Variants in CYFIP1 observed in about 807,000 individuals in gnomAD.
CYFIP1 encodes the protein cytoplasmic FMR1 interacting protein 1.
Under a neutral mutation model 163.5 loss-of-function variants are expected in CYFIP1, and 58 were observed. The observed-to-expected ratio is 0.35, with a 90% CI of 0.29 to 0.44. The LOEUF is 0.44. Among genes scored for constraint, CYFIP1 ranks in the 20% least tolerant of loss-of-function variants. CYFIP1 has a pLI of 1.00. For synonymous variants in CYFIP1, 663 were observed against 660.7 expected (o/e 1.00, Z -0.05); for missense variants, 1,338 against 1,653.8 (o/e 0.81, Z 3.31).
chr15:22,971,085 C>A (rs913922512), intron 1 of CYFIP1, among the ~76,000 whole-genome samples: 5 of 151,866 alleles, frequency 3.3e-5, no homozygotes, highest in African/African-American at 7.3e-5. Flanking sequence ...CGAAAAAAAA[C>A]CAAACACACA....
chr15:22,923,220 T>C (rs1372926087), intron 13 of CYFIP1, among the ~76,000 whole-genome samples: 1 of 152,138 alleles, frequency 6.6e-6, no homozygotes, highest in African/African-American at 2.4e-5. Context: ...CCTATGGCTG[T>C]AAGGAACTGA....
At chr15:22,884,253 A>G (rs2059869919) in intron 23 of CYFIP1, among the ~76,000 whole-genome samples, 2 of 152,202 alleles carry the variant, frequency 1.3e-5, no homozygotes, top group Admixed American at 6.5e-5. Flanking sequence ...CCAAAGTCTC[A>G]TCTGAGACAA....
chr15:22,915,046 G>C lies in CYFIP1; in HGVS notation c.1829-164C>G, dbSNP rs2060923294. On this transcript the variant is annotated intron_variant, in intron 16 of 30. Transcript: ENST00000617928. ...AGGGGTCACCGGGGCCTTGCACTAG[G>C]GACAGGACCAGCTGGGCATAGCTGC... 8.4e-6 allele frequency: 5 copies of C among 593,706 alleles called. 1 individual carries two copies. The South Asian group carries it at 1.4e-4, about 17-fold the overall frequency. The allele number at this position is 593,706 out of a possible 1,614,324, so 36.8% of individuals were successfully genotyped here.
At position 22,944,549 on chromosome 15, in the gene CYFIP1, C is replaced by A; in HGVS notation, c.387+9G>T. On this transcript the variant is annotated intron_variant, in intron 5 of 30. Coordinates refer to ENST00000617928, the MANE Select transcript of CYFIP1 (RefSeq NM_014608.6). Reference sequence around the variant, plus strand: ...TGTTACACCCCCCCCAGATTATTTGCCATTTTACCTGGAAGTACATGAAAT... The same window carrying A: ...TGTTACACCCCCCCCAGATTATTTGACATTTTACCTGGAAGTACATGAAAT... The A allele has an allele frequency of 6.3e-7, 1 of 1,590,006 alleles. No homozygotes were observed. The highest frequency in any genetic ancestry group is 1.7e-4 in the Middle Eastern group (1 of 6,000).
At chr15:22,877,220 G>C (rs570101223) in intron 26 of CYFIP1, among the ~76,000 whole-genome samples, 1 of 152,178 alleles carries the variant, frequency 6.6e-6, no homozygotes, top group African/African-American at 2.4e-5. Flanking sequence ...GCGAGAGCAG[G>C]TTGTTGTAAG....
chr15:22,959,829 G>A (rs2062614859), intron 1 of CYFIP1, among the ~76,000 whole-genome samples: 2 of 152,302 alleles, frequency 1.3e-5, no homozygotes, highest in Admixed American at 1.3e-4. Flanking sequence ...CAGGGCCCAG[G>A]AGGGTGCAGG....
At chr15:22,912,496 GC>G (rs1488414214) in intron 17 of CYFIP1, 1 of 456,048 alleles carries the variant, frequency 2.2e-6, no homozygotes, top group Non-Finnish European at 3.8e-6. Flanking sequence ...GACAGCAGAC[GC>G]TCACTGAAGG....
intron 20 of CYFIP1, 120 bp downstream of exon 20, chr15:22,910,400 G>A (rs1005433514): frequency 5.2e-5 from 38 of 736,366 alleles, no homozygotes; most frequent in South Asian, 1.5e-4. Flanking sequence ...AACCTCAGGT[G>A]ATCCGCCCAC....
intron 26 of CYFIP1, among the ~76,000 whole-genome samples, chr15:22,878,736 T>G (rs967335158): frequency 1.3e-5 from 2 of 150,328 alleles, no homozygotes; most frequent in African/African-American, 4.9e-5. Flanking sequence ...TAAGAGCATT[T>G]TATCAAAAAT....
chr15:22,871,134 G>A (rs2059423035), intron 30 of CYFIP1, among the ~76,000 whole-genome samples: 1 of 152,000 alleles, frequency 6.6e-6, no homozygotes, highest in Admixed American at 6.6e-5. Flanking sequence ...CCATAGAGAT[G>A]GGCAGATACA....
intron 1 of CYFIP1, among the ~76,000 whole-genome samples, chr15:22,973,312 A>C (rs1056817711): frequency 2.2e-5 from 1 of 45,806 alleles, no homozygotes; most frequent in Non-Finnish European, 4.3e-5. Context: ...AGACCTTGTC[A>C]AAAAAAAAAA....
At chr15:22,930,869 T>A (rs1468070956) in intron 11 of CYFIP1, among the ~76,000 whole-genome samples, 1 of 152,124 alleles carries the variant, frequency 6.6e-6, no homozygotes, top group Non-Finnish European at 1.5e-5. Context: ...TTTTAAAAAA[T>A]TTAGCACAGC....
intron 3 of CYFIP1, among the ~76,000 whole-genome samples, chr15:22,945,301 C>T (rs1316644202): frequency 1.3e-5 from 2 of 152,198 alleles, no homozygotes; most frequent in Non-Finnish European, 2.9e-5. Context: ...CCGGTGTGAG[C>T]ACACACAGGA....
chr15:22,923,441 G>A (rs145793305), intron 13 of CYFIP1, among the ~76,000 whole-genome samples: 198 of 152,276 alleles, frequency 1.3e-3, no homozygotes, highest in Non-Finnish European at 2.1e-3. Context: ...CACTAGGATA[G>A]CTAGAATCAA....
At chr15:22,919,820 A>G (rs764933795) in intron 13 of CYFIP1, among the ~76,000 whole-genome samples, 3 of 152,084 alleles carry the variant, frequency 2.0e-5, no homozygotes, top group Non-Finnish European at 2.9e-5. Context: ...ACCAGAGTTC[A>G]AGATCAGCCC....
intron 11 of CYFIP1, among the ~76,000 whole-genome samples, chr15:22,931,746 T>A (rs1017941078): frequency 7.3e-6 from 1 of 137,574 alleles, no homozygotes; most frequent in African/African-American, 2.8e-5. Context: ...AACACTAGTT[T>A]CACTGCCTTG....
chr15:22,904,168 C>T (rs576261513), intron 21 of CYFIP1: 26 of 545,600 alleles, frequency 4.8e-5, no homozygotes, highest in South Asian at 1.2e-4. Context: ...TGTGGGGCAG[C>T]GTGCACGTGT....
chr15:22,979,692 T>C (rs1365176879), intron 1 of CYFIP1, among the ~76,000 whole-genome samples: 1 of 152,168 alleles, frequency 6.6e-6, no homozygotes, highest in Non-Finnish European at 1.5e-5. Context: ...ATTCAGATGC[T>C]TGTGCGAAAC....
chr15:22,946,856 A>G (rs1174882934), intron 3 of CYFIP1, 147 bp downstream of exon 3: 12 of 761,078 alleles, frequency 1.6e-5, no homozygotes, highest in Non-Finnish European at 2.8e-5. Flanking sequence ...AAAAGCAAAG[A>G]CTGTCTTAAA....
Sources: gnomAD v4.1 joint callset for allele counts (sites outside exome capture counted in the v4.1 genomes callset) on GRCh38, gnomAD v4.1.1 for gene constraint, MANE v1.5 for transcripts, NCBI Gene and HGNC (gene_info 2026-07-23, HGNC 2026-07-21) for gene names.